ADAMTSL3: variants seen among roughly 807,000 people sequenced by gnomAD.
ADAMTSL3 encodes ADAMTS like 3, also known as ADAMTS-like protein 3.
A neutral mutation model predicts 201.7 loss-of-function variants in ADAMTSL3; 128 were observed. The ratio of observed to expected loss-of-function variants is 0.63; its 90% CI spans 0.55 to 0.73. ADAMTSL3 has a LOEUF of 0.73. ADAMTSL3 is among the 30% of genes least tolerant of loss of function. The pLI is 0.00. For synonymous variants in ADAMTSL3, 738 were observed against 748.4 expected (o/e 0.99, Z 0.23); for missense variants, 1,990 against 2,119.6 (o/e 0.94, Z 1.20).
chr15:83,922,543 G>A (rs561746747), intron 16 of ADAMTSL3, among the ~76,000 whole-genome samples: 6 of 152,192 alleles, frequency 3.9e-5, no homozygotes, highest in East Asian at 1.9e-4. Context: ...AGGTAACTAC[G>A]TTTTGATATT....
chr15:83,971,055 C>A lies in ADAMTSL3; in HGVS notation c.2644+418C>A, dbSNP rs117628406. On this transcript the variant is annotated intron_variant, in intron 20 of 29. Coordinates refer to ENST00000286744, the MANE Select transcript of ADAMTSL3 (RefSeq NM_207517.3). ...TCAAGTATTTTTTCTTGTGTATAAT[C>A]TAAAATTGGCAAGGATAAAAACATG... 9.2e-3 allele frequency among the ~76,000 whole-genome samples: 1,407 copies of A among 152,182 alleles called. 5 individuals are homozygous for A. The highest frequency in any genetic ancestry group is 0.031 in the Middle Eastern group (9 of 294).
At chr15:83,871,619 A>G (rs2065082220) in intron 9 of ADAMTSL3, among the ~76,000 whole-genome samples, 2 of 152,178 alleles carry the variant, frequency 1.3e-5, no homozygotes, top group South Asian at 4.1e-4. Context: ...ACTTGTCACA[A>G]GATACCTTCA....
intron 3 of ADAMTSL3, among the ~76,000 whole-genome samples, chr15:83,732,893 A>G (rs1023776083): frequency 3.9e-5 from 6 of 152,134 alleles, no homozygotes; most frequent in East Asian, 3.9e-4. Flanking sequence ...CTGTCAGACT[A>G]CAGTGAGCAC....
chr15:83,831,044 A>T (rs754206345), intron 6 of ADAMTSL3, among the ~76,000 whole-genome samples: 71 of 152,362 alleles, frequency 4.7e-4, no homozygotes, highest in Non-Finnish European at 7.5e-4. Flanking sequence ...AAGAGTTGAT[A>T]GGCAGAAACA....
rs538509618 is a variant in ADAMTSL3, at chr15:83,895,125, G to A, written c.1467+2237G>A. Among the ~76,000 whole-genome samples the A allele has an allele frequency of 1.4e-4, 22 of 152,196 alleles. No individual in the cohort carries two copies. In the Middle Eastern group the frequency reaches 0.017, roughly 118 times the overall value. On this transcript the variant is annotated intron_variant, in intron 13 of 29. Transcript: ENST00000286744. ...GGAAGGATTTTATTTTAGCAAGGTC[G>A]GTTTGTTCTTTGAACTCTTGAGTTA... is the stretch of plus-strand genomic sequence containing the variant.
chr15:83,840,449 C>T (rs972358439), intron 7 of ADAMTSL3, among the ~76,000 whole-genome samples: 3 of 152,160 alleles, frequency 2.0e-5, no homozygotes, highest in African/African-American at 7.2e-5. Context: ...AGGATTTGCT[C>T]AGGACAAGAG....
intron 3 of ADAMTSL3, among the ~76,000 whole-genome samples, chr15:83,753,868 T>C (rs1448904587): frequency 6.6e-6 from 1 of 152,246 alleles, no homozygotes; most frequent in Admixed American, 6.5e-5. Context: ...TATTTTGCTC[T>C]AATGTGATAA....
chr15:83,828,651 T>C (rs1054770089), intron 6 of ADAMTSL3, among the ~76,000 whole-genome samples: 7 of 152,216 alleles, frequency 4.6e-5, no homozygotes. Flanking sequence ...CAGTATGATA[T>C]TGGCTGTGGG....
At chr15:83,916,591 TA>T (rs1394518895) in intron 16 of ADAMTSL3, among the ~76,000 whole-genome samples, 1 of 152,098 alleles carries the variant, frequency 6.6e-6, no homozygotes, top group African/African-American at 2.4e-5. Context: ...TTCCTTATAA[TA>T]AATAACCAAA....
intron 26 of ADAMTSL3, among the ~76,000 whole-genome samples, chr15:84,022,488 T>A (rs1174088443): frequency 6.6e-6 from 1 of 152,218 alleles, no homozygotes; most frequent in Non-Finnish European, 1.5e-5. Context: ...TATCTACTTT[T>A]AAAAAATTAT....
intron 8 of ADAMTSL3, among the ~76,000 whole-genome samples, chr15:83,864,912 A>G (rs1291102835): frequency 2.0e-5 from 3 of 152,246 alleles, no homozygotes; most frequent in East Asian, 1.9e-4. Context: ...CAACTTCAGC[A>G]AAGTCTCAGG....
chr15:84,004,730 C>T (rs1330552391), intron 23 of ADAMTSL3, among the ~76,000 whole-genome samples: 1 of 152,132 alleles, frequency 6.6e-6, no homozygotes, highest in Non-Finnish European at 1.5e-5. Flanking sequence ...AAGGTTCACA[C>T]AGGAGAAATC....
chr15:84,025,390 A>C lies in ADAMTSL3; in HGVS notation c.4610A>C (p.Lys1537Thr). The change falls in exon 27 of 30, where the codon AAA (lysine) becomes ACA (threonine). Residue 1537 changes from lysine to threonine, a missense_variant. By Grantham distance (78) the Lys-to-Thr change is moderately conservative (BLOSUM62 -1). Transcript: ENST00000286744. ...CCTAAAGACCGGCCTCTGGGAAGAAAACCATGTTTTGGTCATCCATGTGTT... is the reference window on the plus strand; with the variant it reads ...CCTAAAGACCGGCCTCTGGGAAGAACACCATGTTTTGGTCATCCATGTGTT... ...CAPKDRPLGR[K>T]PCFGHPCVQW... The C allele has an allele frequency of 6.2e-7, 1 of 1,614,102 alleles. No individual in the cohort carries two copies. The highest frequency in any genetic ancestry group is 8.5e-7 in the Non-Finnish European group (1 of 1,180,008).
At chr15:83,801,333 A>G (rs903602838) in intron 4 of ADAMTSL3, among the ~76,000 whole-genome samples, 2 of 151,816 alleles carry the variant, frequency 1.3e-5, no homozygotes, top group African/African-American at 4.8e-5. Context: ...TCCTTCTCCC[A>G]AAGCCTTCTA....
In ADAMTSL3 at chr15:83,904,903, G is replaced by A. The variant is rs967385172; in HGVS notation, c.1700+5172G>A. 2.0e-5 allele frequency among the ~76,000 whole-genome samples: 3 copies of A among 152,300 alleles called. No homozygotes were observed. In the East Asian group the frequency reaches 5.8e-4, roughly 29 times the overall value. ...ATTATATTTGCTAATGTCAAATTAG[G>A]TGACATTTCAGGAATCTGTTTTTCT... On this transcript the variant is annotated intron_variant, in intron 15 of 29. Coordinates refer to ENST00000286744, the MANE Select transcript of ADAMTSL3 (RefSeq NM_207517.3).
intron 4 of ADAMTSL3, among the ~76,000 whole-genome samples, chr15:83,801,651 A>AATAAATATAT (rs2063518782): frequency 5.4e-4 from 17 of 31,252 alleles, no homozygotes; most frequent in East Asian, 8.9e-4. Context: ...TATAAATATA[A>AATAAATATAT]ATATATATAT....
intron 4 of ADAMTSL3, among the ~76,000 whole-genome samples, chr15:83,774,021 G>A (rs902692360): frequency 4.6e-5 from 7 of 152,170 alleles, no homozygotes; most frequent in South Asian, 2.1e-4. Context: ...TGAGCAACCC[G>A]TCGATTAGGA....
intron 19 of ADAMTSL3, among the ~76,000 whole-genome samples, chr15:83,966,405 C>T (rs1022092890): frequency 4.6e-5 from 7 of 152,216 alleles, no homozygotes; most frequent in Admixed American, 1.3e-4. Flanking sequence ...AACACCTCTA[C>T]GCAAATAAGC....
intron 3 of ADAMTSL3, among the ~76,000 whole-genome samples, chr15:83,721,110 A>G (rs1292028619): frequency 2.0e-5 from 3 of 152,132 alleles, no homozygotes; most frequent in Non-Finnish European, 4.4e-5. Flanking sequence ...GCAATTTTTT[A>G]TGTTTTTATT....
Sources: gnomAD v4.1 joint callset for allele counts (sites outside exome capture counted in the v4.1 genomes callset) on GRCh38, gnomAD v4.1.1 for gene constraint, MANE v1.5 for transcripts, NCBI Gene and HGNC (gene_info 2026-07-23, HGNC 2026-07-21) for gene names.